The following IGF2BP1 variants were observed in gnomAD, a reference collection of about 807,000 sequenced individuals.
The protein encoded by IGF2BP1 is insulin like growth factor 2 mRNA binding protein 1.
A neutral mutation model predicts 74.9 loss-of-function variants in IGF2BP1; 11 were observed. The ratio of observed to expected loss-of-function variants is 0.15; its 90% CI spans 0.09 to 0.24. The LOEUF (loss-of-function observed/expected upper bound fraction) is 0.24. Among genes scored for constraint, IGF2BP1 ranks in the 10% least tolerant of loss-of-function variants. The pLI is 1.00. For missense variants in IGF2BP1, 440 were observed against 757.4 expected (o/e 0.58, Z 4.92); for synonymous variants, 287 against 281.8 (o/e 1.02, Z -0.18).
At position 49,042,337 on chromosome 17, in the gene IGF2BP1, A is replaced by G. The variant is rs749449720; in HGVS notation, c.1037A>G (p.Lys346Arg). The G allele has an allele frequency of 3.7e-6, 6 of 1,613,998 alleles. No homozygotes were observed. The South Asian group carries it at 5.5e-5, about 15-fold the overall frequency. The change falls in exon 9 of 15, where the codon AAA becomes AGA. Residue 346 changes from lysine to arginine, a missense_variant. Coordinates refer to ENST00000290341, the MANE Select transcript of IGF2BP1 (RefSeq NM_006546.4). The stretch of plus-strand genomic sequence containing the variant: ...AGGGCCGAGCAGGAAATAATGAAGA[A>G]AGTTCGGGAGGCCTATGAGAATGAT... ...CCRAEQEIMKKVREAYENDVA... is the reference protein window; with the variant it reads ...CCRAEQEIMKRVREAYENDVA...
At chr17:49,045,148 C>A in intron 12 of IGF2BP1, 83 bp downstream of exon 12, 2 of 1,199,488 alleles carry the variant, frequency 1.7e-6, no homozygotes, top group South Asian at 2.5e-5. Flanking sequence ...AAGGCTGGGT[C>A]AGTTTCCCGT....
Position 49,055,561 on chromosome 17 carries a change from A to C in IGF2BP1, c.*6117A>C. On this transcript the variant is annotated 3_prime_UTR_variant, in exon 15 of 15. Coordinates refer to ENST00000290341, the MANE Select transcript of IGF2BP1 (RefSeq NM_006546.4). ...CTTGTAACATTTCTGTGCAGATTTTATGTTAGCCACTGCTATGTAAAAGCA... is the reference window on the plus strand; with the variant it reads ...CTTGTAACATTTCTGTGCAGATTTTCTGTTAGCCACTGCTATGTAAAAGCA... The C allele has an allele frequency of 2.5e-6, 1 of 398,274 alleles. No homozygotes were observed. Among genetic ancestry groups the C allele is most frequent in the Non-Finnish European group, 4.4e-6 (1 of 225,920 alleles). The allele number at this position is 398,274 out of a possible 1,614,324, so 24.7% of individuals were successfully genotyped here.
rs1399424971 is a variant in IGF2BP1, at chr17:49,019,971, CACACATACACCCACACATATATAT to C, written c.237-5641_237-5618del. On this transcript the variant is annotated intron_variant, in intron 2 of 14. Coordinates refer to ENST00000290341, the MANE Select transcript of IGF2BP1 (RefSeq NM_006546.4). ...ATATTTATATACACACACACACACA[CACACATACACCCACACATATATAT>C]ACACACACACACACATATATATACA... Among the ~76,000 whole-genome samples, 524 of 78,426 alleles carry C rather than the reference CACACATACACCCACACATATATAT, an allele frequency of 6.7e-3. 11 individuals carry two copies. Among genetic ancestry groups the C allele is most frequent in the Non-Finnish European group, 9.6e-3 (379 of 39,636 alleles). The allele number at this position is 78,426 out of a possible 152,430, so 51.5% of individuals were successfully genotyped here.
intron 2 of IGF2BP1, among the ~76,000 whole-genome samples, chr17:49,016,374 T>C (rs1484813352): frequency 1.3e-5 from 2 of 152,210 alleles, no homozygotes; most frequent in African/African-American, 2.4e-5. Context: ...CTGGAACTTC[T>C]TGGTGACAGA....
intron 2 of IGF2BP1, among the ~76,000 whole-genome samples, chr17:49,020,051 TG>T (rs1202698646): frequency 9.7e-5 from 2 of 20,702 alleles, no homozygotes; most frequent in East Asian, 1.2e-3. Context: ...TGTATTTTTT[TG>T]GGGGGGTGGG....
chr17:49,020,970 TAAAA>T (rs33965742), intron 2 of IGF2BP1, among the ~76,000 whole-genome samples: 4 of 132,532 alleles, frequency 3.0e-5, no homozygotes, highest in African/African-American at 5.6e-5. Context: ...CTCTACAAAT[TAAAA>T]AAAAAAAAAA....
chr17:48,999,019 C>T (rs1343639943), intron 1 of IGF2BP1, 90 bp from the exon 2 acceptor site: 9 of 782,424 alleles, frequency 1.2e-5, no homozygotes, highest in Non-Finnish European at 2.0e-5. Context: ...CCAGTAACTC[C>T]TGAATTATCC....
At chr17:49,022,616 C>T (rs1173292849) in intron 2 of IGF2BP1, among the ~76,000 whole-genome samples, 1 of 152,134 alleles carries the variant, frequency 6.6e-6, no homozygotes, top group Admixed American at 6.5e-5. Flanking sequence ...CTCCCCCTCC[C>T]TCTCCTGGAA....
In IGF2BP1 at chr17:49,019,733, T is replaced by C. The variant is rs1245407667; in HGVS notation, c.237-5885T>C. ...ACAGGAGTGAGCCATTGTGCCTGGC[T>C]CCTAACTTATACTTTATTTATTTAG... On this transcript the variant is annotated intron_variant, in intron 2 of 14. Coordinates refer to ENST00000290341, the MANE Select transcript of IGF2BP1 (RefSeq NM_006546.4). Among the ~76,000 whole-genome samples, 5 of 150,860 alleles carry C rather than the reference T, an allele frequency of 3.3e-5. No individual in the cohort carries two copies. The East Asian group carries it at 9.7e-4, about 29-fold the overall frequency.
At position 49,051,888 on chromosome 17, in the gene IGF2BP1, C is replaced by A. The variant is rs1213928817; in HGVS notation, c.*2444C>A. On this transcript the variant is annotated 3_prime_UTR_variant, in exon 15 of 15. Coordinates refer to ENST00000290341, the MANE Select transcript of IGF2BP1 (RefSeq NM_006546.4). ...GTTCCGTCTTGCTATTCTTCCTAAT[C>A]TATATCCATAGATCTAAGGGGCAAA... 1 of 151,312 alleles carries A rather than the reference C, an allele frequency of 6.6e-6. No homozygotes were observed. The highest frequency in any genetic ancestry group is 1.5e-5 in the Non-Finnish European group (1 of 67,926). The allele number at this position is 151,312 out of a possible 1,614,324, so 9.4% of individuals were successfully genotyped here. A position where few individuals can be genotyped will look rare whatever the true frequency, so the allele number is the denominator to read the frequency against.
intron 14 of IGF2BP1, 115 bp from the exon 15 acceptor site, chr17:49,049,237 G>A (rs2042139510): frequency 1.3e-6 from 1 of 761,838 alleles, no homozygotes; most frequent in Non-Finnish European, 2.2e-6. Flanking sequence ...TTTCTTCTGA[G>A]TCCTGTGTGA....
chr17:49,039,537 G>T (rs944475163), intron 6 of IGF2BP1, among the ~76,000 whole-genome samples: 1 of 152,044 alleles, frequency 6.6e-6, no homozygotes, highest in Non-Finnish European at 1.5e-5. Context: ...CAATTCTTGT[G>T]CCTCAGCCTC....
intron 11 of IGF2BP1, among the ~76,000 whole-genome samples, chr17:49,044,613 G>A (rs1387990110): frequency 5.3e-5 from 8 of 152,222 alleles, no homozygotes; most frequent in Non-Finnish European, 4.4e-5. Context: ...TGTCTTAAAA[G>A]CTTTGAGCAA....
intron 2 of IGF2BP1, among the ~76,000 whole-genome samples, chr17:49,019,904 T>TTATGTA (rs2041756916): frequency 2.3e-5 from 1 of 43,910 alleles, no homozygotes; most frequent in Non-Finnish European, 4.2e-5. Context: ...CCTGGCTAAT[T>TTATGTA]TATATATATA....
At chr17:49,039,151 A>C (rs940033438) in intron 6 of IGF2BP1, among the ~76,000 whole-genome samples, 54 of 151,706 alleles carry the variant, frequency 3.6e-4, no homozygotes, top group African/African-American at 1.3e-3. Flanking sequence ...GCTGGGATTA[A>C]AGGCGTGAGC....
intron 5 of IGF2BP1, among the ~76,000 whole-genome samples, chr17:49,032,201 T>C (rs1441064203): frequency 6.6e-6 from 1 of 152,068 alleles, no homozygotes; most frequent in Non-Finnish European, 1.5e-5. Flanking sequence ...AACATCAAGA[T>C]TGATAGCAAA....
chr17:49,046,456 C>A, intron 14 of IGF2BP1, 83 bp downstream of exon 14: 2 of 1,048,372 alleles, frequency 1.9e-6, no homozygotes, highest in Non-Finnish European at 2.9e-6. Flanking sequence ...GGTTGACCTT[C>A]ATGACGTTGA....
Position 49,055,399 on chromosome 17 carries a change from C to T in IGF2BP1, c.*5955C>T. 1 of 363,108 alleles carries T rather than the reference C, an allele frequency of 2.8e-6. No individual in the cohort carries two copies. Among genetic ancestry groups the T allele is most frequent in the Non-Finnish European group, 4.9e-6 (1 of 203,760 alleles). 22.5% of individuals were successfully genotyped at this position (363,108 alleles called of 1,614,324 possible). On this transcript the variant is annotated 3_prime_UTR_variant, in exon 15 of 15. Coordinates refer to ENST00000290341, the MANE Select transcript of IGF2BP1 (RefSeq NM_006546.4). ...AGTCCTTCCTGTGCTTCTCTCCCTTCTCCCCTCCCAGCCAGCTGACTTCAG... is the reference window on the plus strand; with the variant it reads ...AGTCCTTCCTGTGCTTCTCTCCCTTTTCCCCTCCCAGCCAGCTGACTTCAG...
In IGF2BP1 at chr17:49,046,055, C is replaced by T. The variant is rs1389306033; in HGVS notation, c.1527+34C>T. ...TGAGGGCCAGGTTGAAAGCCCTGGGCCTTGGTCTCCAATCTCAGCAGCTCT... is the reference window on the plus strand; with the variant it reads ...TGAGGGCCAGGTTGAAAGCCCTGGGTCTTGGTCTCCAATCTCAGCAGCTCT... On this transcript the variant is annotated intron_variant, in intron 13 of 14. Transcript: ENST00000290341. 1.9e-6 allele frequency: 3 copies of T among 1,609,356 alleles called. No individual in the cohort carries two copies. The East Asian group carries it at 6.7e-5, about 36-fold the overall frequency.
Sources: allele counts gnomAD v4.1 joint callset (sites outside exome capture counted in the v4.1 genomes callset), GRCh38; gene constraint gnomAD v4.1.1; transcripts MANE v1.5; gene names NCBI Gene and HGNC (gene_info 2026-07-23, HGNC 2026-07-21).